Variants in NAV2 observed in about 807,000 individuals in gnomAD.
NAV2 encodes helicase, APC down-regulated 1.
NAV2 carries 54 observed loss-of-function variants against 223.2 expected under a neutral mutation model. The ratio of observed to expected loss-of-function variants is 0.24; its 90% CI spans 0.19 to 0.30. The LOEUF is 0.30. NAV2 is among the 10% of genes least tolerant of loss of function. The pLI is 1.00. For synonymous variants in NAV2, 1,279 were observed against 1,239.3 expected (o/e 1.03, Z -0.67); for missense variants, 2,806 against 3,147.5 (o/e 0.89, Z 2.60).
At chr11:20,078,755 G>A (rs1348768267) in intron 24 of NAV2, among the ~76,000 whole-genome samples, 3 of 152,206 alleles carry the variant, frequency 2.0e-5, no homozygotes, top group Non-Finnish European at 4.4e-5. Context: ...ACCATGCCCA[G>A]CCTAGGAAAA....
intron 11 of NAV2, among the ~76,000 whole-genome samples, chr11:19,986,272 A>G (rs2050788535): frequency 6.6e-6 from 1 of 152,202 alleles, no homozygotes; most frequent in African/African-American, 2.4e-5. Context: ...CAAATGGACA[A>G]CAATGTCCTT....
intron 1 of NAV2, among the ~76,000 whole-genome samples, chr11:19,581,556 C>G (rs573464499): frequency 6.6e-6 from 1 of 152,244 alleles, no homozygotes; most frequent in Admixed American, 6.5e-5. Context: ...GTGATGTTCC[C>G]CTTCCTGTGT....
intron 14 of NAV2, among the ~76,000 whole-genome samples, chr11:20,046,442 G>A (rs1408952460): frequency 6.6e-6 from 1 of 151,462 alleles, no homozygotes; most frequent in Non-Finnish European, 1.5e-5. Context: ...TTTTTTTCTT[G>A]TGTTAATAAT....
chr11:20,103,222 C>T, intron 32 of NAV2, 33 bp from the exon 33 acceptor site: 1 of 1,592,312 alleles, frequency 6.3e-7, no homozygotes, highest in Non-Finnish European at 8.6e-7. Context: ...CATTCACCCA[C>T]TTGTTCTCCT....
At chr11:19,829,225 T>A (rs1446397810) in intron 1 of NAV2, among the ~76,000 whole-genome samples, 1 of 152,212 alleles carries the variant, frequency 6.6e-6, no homozygotes, top group Non-Finnish European at 1.5e-5. Flanking sequence ...CCCTCCCACG[T>A]GGCTGAGGAA....
intron 11 of NAV2, among the ~76,000 whole-genome samples, chr11:20,025,359 C>T (rs2054947045): frequency 6.6e-6 from 1 of 152,224 alleles, no homozygotes; most frequent in Non-Finnish European, 1.5e-5. Context: ...AATATATCTT[C>T]TGGTAAACAG....
chr11:20,046,349 A>G (rs538179308), intron 14 of NAV2, among the ~76,000 whole-genome samples: 2 of 152,148 alleles, frequency 1.3e-5, no homozygotes, highest in South Asian at 4.2e-4. Flanking sequence ...AAAAAAAAAA[A>G]AAGAAGTTAG....
At chr11:19,678,614 A>G (rs562185264) in intron 1 of NAV2, among the ~76,000 whole-genome samples, 3 of 152,238 alleles carry the variant, frequency 2.0e-5, no homozygotes, top group Non-Finnish European at 4.4e-5. Context: ...GAGCCCGCAG[A>G]TGGGAAGGCA....
chr11:19,777,589 C>A lies in NAV2; in HGVS notation c.268-54895C>A, dbSNP rs2056361120. 3 of 452,628 alleles carry A rather than the reference C, an allele frequency of 6.6e-6. No homozygotes were observed. The Admixed American group carries it at 7.1e-5, about 11-fold the overall frequency. The allele number at this position is 452,628 out of a possible 1,614,324, so 28.0% of individuals were successfully genotyped here. ...TTAACCCCCCACCCCGCCCCCCATC[C>A]CCTTTAGGAACTGGCCCGGGTGGTG... On this transcript the variant is annotated intron_variant, in intron 1 of 37. Coordinates refer to ENST00000349880, the MANE Select transcript of NAV2 (RefSeq NM_145117.5).
intron 1 of NAV2, among the ~76,000 whole-genome samples, chr11:19,606,404 G>A (rs534598124): frequency 2.6e-5 from 4 of 152,178 alleles, no homozygotes; most frequent in Admixed American, 6.5e-5. Context: ...CTTGCCCCAG[G>A]TGTTAAAGCT....
chr11:19,551,915 C>CTCTG (rs991545880), intron 1 of NAV2, among the ~76,000 whole-genome samples: 7 of 152,100 alleles, frequency 4.6e-5, no homozygotes, highest in African/African-American at 1.4e-4. Context: ...CTCTCTCTCT[C>CTCTG]TCTCTCTTTC....
intron 1 of NAV2, among the ~76,000 whole-genome samples, chr11:19,695,117 C>T (rs963031179): frequency 6.6e-6 from 1 of 152,312 alleles, no homozygotes; most frequent in Admixed American, 6.5e-5. Context: ...TAGGGGATCA[C>T]CTCCCACTGC....
chr11:19,412,291 G>T (rs997200519), intron 1 of NAV2, among the ~76,000 whole-genome samples: 4 of 152,326 alleles, frequency 2.6e-5, no homozygotes, highest in Middle Eastern at 3.4e-3. Context: ...CCCTCACAGT[G>T]TAAATAAAGC....
chr11:19,903,866 G>A (rs575179980), intron 6 of NAV2, among the ~76,000 whole-genome samples: 1 of 152,244 alleles, frequency 6.6e-6, no homozygotes, highest in South Asian at 2.1e-4. Context: ...CTCAATTTAG[G>A]AGAATGTATG....
At chr11:19,488,128 CT>C (rs2042507133) in intron 1 of NAV2, among the ~76,000 whole-genome samples, 1 of 152,154 alleles carries the variant, frequency 6.6e-6, no homozygotes, top group South Asian at 2.1e-4. Context: ...GGCAGTGCCC[CT>C]CTTTCTCCCA....
intron 1 of NAV2, among the ~76,000 whole-genome samples, chr11:19,383,500 A>G (rs571434103): frequency 6.6e-6 from 1 of 152,348 alleles, no homozygotes; most frequent in South Asian, 2.1e-4. Context: ...TCCCAACAAT[A>G]TAGACCCTTT....
chr11:19,769,037 G>T (rs896595915), intron 1 of NAV2, among the ~76,000 whole-genome samples: 3 of 152,228 alleles, frequency 2.0e-5, no homozygotes, highest in Admixed American at 1.3e-4. Flanking sequence ...ACCTCTTTGT[G>T]CTTCAGTGTC....
At chr11:19,358,307 G>C (rs1019647607) in intron 1 of NAV2, among the ~76,000 whole-genome samples, 1 of 152,138 alleles carries the variant, frequency 6.6e-6, no homozygotes, top group Admixed American at 6.5e-5. Flanking sequence ...GTTCATTTGC[G>C]GGGAGGAAGC....
At chr11:19,859,597 C>G (rs1021044816) in intron 3 of NAV2, among the ~76,000 whole-genome samples, 11 of 152,200 alleles carry the variant, frequency 7.2e-5, no homozygotes, top group Middle Eastern at 3.4e-3. Context: ...ACCTTTCCCC[C>G]CTTTCTATTC....
Sources: allele counts gnomAD v4.1 joint callset (sites outside exome capture counted in the v4.1 genomes callset), GRCh38; gene constraint gnomAD v4.1.1; transcripts MANE v1.5; gene names NCBI Gene and HGNC (gene_info 2026-07-23, HGNC 2026-07-21).